The following CDC42BPA variants were observed in gnomAD, a reference collection of about 807,000 sequenced individuals.
CDC42BPA encodes CDC42 binding protein kinase alpha, also known as serine/threonine-protein kinase MRCK alpha.
CDC42BPA carries 80 observed loss-of-function variants against 223.5 expected under a neutral mutation model. The ratio of observed to expected loss-of-function variants is 0.36; its 90% CI spans 0.30 to 0.43. The LOEUF (loss-of-function observed/expected upper bound fraction) is 0.43, where lower values mean the gene tolerates loss of function less well. Among genes scored for constraint, CDC42BPA ranks in the 20% least tolerant of loss-of-function variants. CDC42BPA has a pLI of 1.00. For synonymous variants in CDC42BPA, 694 were observed against 718.6 expected (o/e 0.97, Z 0.55); for missense variants, 1,743 against 2,099.9 (o/e 0.83, Z 3.32).
chr1:227,074,118 A>C (rs868546821), intron 18 of CDC42BPA, 106 bp from the exon 19 acceptor site: 4 of 1,408,070 alleles, frequency 2.8e-6, no homozygotes, highest in Middle Eastern at 3.7e-4. Context: ...AAAGACCCAA[A>C]CTAATAGTTT....
intron 1 of CDC42BPA, among the ~76,000 whole-genome samples, chr1:227,288,243 A>G (rs1689110926): frequency 6.6e-6 from 1 of 152,120 alleles, no homozygotes; most frequent in Non-Finnish European, 1.5e-5. Context: ...ACTTCATGAA[A>G]TAATAAAAGC....
chr1:227,201,011 G>A (rs770256610), intron 3 of CDC42BPA, among the ~76,000 whole-genome samples: 8 of 152,030 alleles, frequency 5.3e-5, no homozygotes, highest in Non-Finnish European at 1.2e-4. Flanking sequence ...CACTTCCCTT[G>A]TCCATTTTCT....
rs367950819 is a variant in CDC42BPA at position 227,043,830 on chromosome 1, G to A, written c.3094-3594C>T. Reference sequence around the variant, plus strand: ...ATACAGTAATAAACATCTTCATCATGTTGCCTAATGAATCTGTATGGAGGT... The same window carrying A: ...ATACAGTAATAAACATCTTCATCATATTGCCTAATGAATCTGTATGGAGGT... On this transcript the variant is annotated intron_variant, in intron 23 of 36. Coordinates refer to ENST00000366766, the MANE Select transcript of CDC42BPA (RefSeq NM_001394014.1). 5.9e-5 allele frequency among the ~76,000 whole-genome samples: 9 copies of A among 152,168 alleles called. No individual in the cohort carries two copies. The East Asian group carries it at 1.7e-3, about 29-fold the overall frequency.
intron 10 of CDC42BPA, among the ~76,000 whole-genome samples, chr1:227,135,072 G>A (rs1399374959): frequency 6.6e-6 from 1 of 152,192 alleles, no homozygotes; most frequent in African/African-American, 2.4e-5. Flanking sequence ...TATTACAACT[G>A]CTTCTTACCT....
chr1:227,044,056 A>G (rs1396203854), intron 23 of CDC42BPA, among the ~76,000 whole-genome samples: 4 of 152,158 alleles, frequency 2.6e-5, no homozygotes, highest in African/African-American at 9.6e-5. Flanking sequence ...AGAAAGTGAT[A>G]GTAATTCTAA....
At chr1:227,271,608 C>T (rs1049400067) in intron 1 of CDC42BPA, among the ~76,000 whole-genome samples, 11 of 152,082 alleles carry the variant, frequency 7.2e-5, no homozygotes, top group African/African-American at 2.7e-4. Context: ...AGTTCATCTA[C>T]TTTGCCTCCT....
In CDC42BPA at chr1:227,129,206, C is replaced by T; in HGVS notation, c.1416G>A (p.Leu472=). Residue 472 remains leucine (L), a synonymous_variant, in exon 11 of 37, where the codon CTG becomes CTA. Coordinates refer to ENST00000366766, the MANE Select transcript of CDC42BPA (RefSeq NM_001394014.1). The part of the protein sequence containing the change: ...LQESTQTVQA[L]QYSTVDGPLT... ...GTGGACCATCAACAGTTGAATACTG[C>T]AGAGCTTGGACAGTCTGTGTTGACT... The T allele has an allele frequency of 6.3e-7, 1 of 1,596,042 alleles. No individual in the cohort carries two copies. Among genetic ancestry groups the T allele is most frequent in the Non-Finnish European group, 8.5e-7 (1 of 1,169,958 alleles).
At chr1:227,035,652 C>CA (rs755583265) in intron 24 of CDC42BPA, 45 bp from the exon 25 acceptor site, 4 of 1,504,512 alleles carry the variant, frequency 2.7e-6, no homozygotes, top group Non-Finnish European at 3.6e-6. Context: ...TTCATTTTAA[C>CA]AAAAAGAAAA....
chr1:227,262,198 G>A (rs1225341419), intron 1 of CDC42BPA, among the ~76,000 whole-genome samples: 1 of 139,396 alleles, frequency 7.2e-6, no homozygotes, highest in Non-Finnish European at 1.6e-5. Flanking sequence ...TCAAGAGATA[G>A]AAGAAATACA....
At chr1:227,152,075 G>A (rs1005136275) in intron 6 of CDC42BPA, among the ~76,000 whole-genome samples, 13 of 151,760 alleles carry the variant, frequency 8.6e-5, no homozygotes, top group African/African-American at 2.7e-4. Context: ...TTTTAACAGG[G>A]TCCTTTGTTC....
intron 16 of CDC42BPA, among the ~76,000 whole-genome samples, chr1:227,086,639 A>G (rs1386312669): frequency 6.7e-6 from 1 of 150,064 alleles, no homozygotes; most frequent in Non-Finnish European, 1.5e-5. Context: ...CGGCTTTGTT[A>G]CCCATTAAAA....
intron 3 of CDC42BPA, among the ~76,000 whole-genome samples, chr1:227,203,862 ACATACATAAATG>A (rs1208076413): frequency 6.6e-6 from 1 of 152,224 alleles, no homozygotes; most frequent in East Asian, 1.9e-4. Context: ...AGTAAGGACT[ACATACATAAATG>A]GTAATTCTGG....
intron 1 of CDC42BPA, among the ~76,000 whole-genome samples, chr1:227,298,463 C>A (rs1293037836): frequency 6.6e-6 from 1 of 151,926 alleles, no homozygotes; most frequent in Non-Finnish European, 1.5e-5. Flanking sequence ...GGTGCTATAA[C>A]CTAAAAACTC....
At chr1:227,081,108 A>T in intron 16 of CDC42BPA, 91 bp from the exon 17 acceptor site, 1 of 1,268,122 alleles carries the variant, frequency 7.9e-7, no homozygotes, top group Non-Finnish European at 1.1e-6. Flanking sequence ...ACTCAACATC[A>T]TCTACCCAAA....
At chr1:227,144,994 C>T (rs1371850048) in intron 8 of CDC42BPA, among the ~76,000 whole-genome samples, 1 of 152,132 alleles carries the variant, frequency 6.6e-6, no homozygotes, top group African/African-American at 2.4e-5. Flanking sequence ...TGTCCCAGAC[C>T]AAGTCAGTAG....
intron 10 of CDC42BPA, among the ~76,000 whole-genome samples, chr1:227,134,000 A>AAATAAAT (rs1439042894): frequency 3.4e-4 from 15 of 44,474 alleles, no homozygotes; most frequent in East Asian, 2.2e-3. Context: ...AATAAATAAA[A>AAATAAAT]AAGAAATTCA....
intron 12 of CDC42BPA, among the ~76,000 whole-genome samples, chr1:227,113,281 C>A (rs539638972): frequency 6.6e-6 from 1 of 152,340 alleles, no homozygotes; most frequent in African/African-American, 2.4e-5. Flanking sequence ...ATGGAGGCTA[C>A]GCCTCAAGCC....
At chr1:227,218,667 T>A (rs1253430875) in intron 2 of CDC42BPA, among the ~76,000 whole-genome samples, 1 of 152,208 alleles carries the variant, frequency 6.6e-6, no homozygotes, top group Non-Finnish European at 1.5e-5. Flanking sequence ...AAGTACTGAA[T>A]AGTTATATAA....
At chr1:227,119,579 T>C (rs999382287) in intron 12 of CDC42BPA, among the ~76,000 whole-genome samples, 1 of 152,118 alleles carries the variant, frequency 6.6e-6, no homozygotes, top group Non-Finnish European at 1.5e-5. Flanking sequence ...ATTAACTTTC[T>C]AAAAGAACAA....
Sources: allele counts gnomAD v4.1 joint callset (sites outside exome capture counted in the v4.1 genomes callset), GRCh38; gene constraint gnomAD v4.1.1; transcripts MANE v1.5; gene names NCBI Gene and HGNC (gene_info 2026-07-23, HGNC 2026-07-21).